The following SETBP1 variants were observed in gnomAD, a reference collection of about 807,000 sequenced individuals.
SETBP1 encodes SET-binding protein.
Under a neutral mutation model 101.0 loss-of-function variants are expected in SETBP1, and 9 were observed. The ratio of observed to expected loss-of-function variants is 0.09; its 90% CI spans 0.05 to 0.16. The LOEUF (loss-of-function observed/expected upper bound fraction) is 0.16. Ranked by LOEUF, SETBP1 falls within the 10% of genes least tolerant of loss-of-function variation. SETBP1 has a pLI of 1.00. For missense variants in SETBP1, 1,858 were observed against 2,033.8 expected, an observed-to-expected ratio of 0.91 and a Z score of 1.66; for synonymous variants, 818 against 788.5, an observed-to-expected ratio of 1.04 and a Z score of -0.63.
At chr18:44,815,239 A>G (rs1230100123) in intron 2 of SETBP1, among the ~76,000 whole-genome samples, 1 of 152,216 alleles carries the variant, frequency 6.6e-6, no homozygotes, top group Admixed American at 6.5e-5. Context: ...AACTCTTTCG[A>G]TGAGGAAACA....
At chr18:44,817,332 T>G (rs1369672596) in intron 2 of SETBP1, among the ~76,000 whole-genome samples, 8 of 151,974 alleles carry the variant, frequency 5.3e-5, no homozygotes, top group African/African-American at 1.9e-4. Context: ...GCCTCAGAAA[T>G]AGAACACCCA....
chr18:44,724,086 C>T (rs2069658466), intron 2 of SETBP1, among the ~76,000 whole-genome samples: 1 of 152,164 alleles, frequency 6.6e-6, no homozygotes, highest in African/African-American at 2.4e-5. Flanking sequence ...CACAGAAACA[C>T]CCAGAAGTGG....
chr18:44,758,655 T>C (rs370562266), intron 2 of SETBP1, among the ~76,000 whole-genome samples: 2 of 152,340 alleles, frequency 1.3e-5, no homozygotes, highest in East Asian at 3.9e-4. Flanking sequence ...GTGCTGGGAT[T>C]ACAGGCGTGA....
chr18:44,798,298 CATAG>C (rs1199735878), intron 2 of SETBP1, among the ~76,000 whole-genome samples: 5 of 152,084 alleles, frequency 3.3e-5, no homozygotes, highest in African/African-American at 9.7e-5. Flanking sequence ...CTGAAGATCT[CATAG>C]ATAGATCATT....
chr18:44,868,382 T>C (rs549488778), intron 2 of SETBP1, among the ~76,000 whole-genome samples: 1 of 152,246 alleles, frequency 6.6e-6, no homozygotes, highest in Non-Finnish European at 1.5e-5. Context: ...GCTGATTTTT[T>C]TTTTGTTTGT....
At chr18:44,780,000 C>A (rs1289388097) in intron 2 of SETBP1, among the ~76,000 whole-genome samples, 1 of 152,076 alleles carries the variant, frequency 6.6e-6, no homozygotes, top group Non-Finnish European at 1.5e-5. Flanking sequence ...ACACACTCTG[C>A]ACTTTCCCGC....
chr18:45,034,763 G>A (rs952091968), intron 4 of SETBP1, among the ~76,000 whole-genome samples: 4 of 152,064 alleles, frequency 2.6e-5, no homozygotes, highest in Admixed American at 6.6e-5. Context: ...CTCTGAACAC[G>A]CCTACCAAGG....
rs1463945182 is a variant in SETBP1 at position 45,066,205 on chromosome 18, T to C, written c.*2507T>C. 2 of 152,224 alleles carry C rather than the reference T, an allele frequency of 1.3e-5. No individual in the cohort carries two copies. Among genetic ancestry groups the C allele is most frequent in the African/African-American group, 4.8e-5 (2 of 41,454 alleles). The allele number at this position is 152,224 out of a possible 1,614,324, so 9.4% of individuals were successfully genotyped here. Reference sequence around the variant, plus strand: ...GGGTACATTAGAATTTCCAAAGCTCTGAAAGATATTTCAGGAGATTTAACA... The same window carrying C: ...GGGTACATTAGAATTTCCAAAGCTCCGAAAGATATTTCAGGAGATTTAACA... On this transcript the variant is annotated 3_prime_UTR_variant, in exon 6 of 6. Coordinates refer to ENST00000649279, the MANE Select transcript of SETBP1 (RefSeq NM_015559.3).
rs1351437168 is a variant in SETBP1, at chr18:44,950,816, A to T, written c.1476A>T (p.Gly492=). 6.2e-7 allele frequency: 1 copy of T among 1,614,114 alleles called. No individual in the cohort carries two copies. Among genetic ancestry groups the T allele is most frequent in the Admixed American group, 1.7e-5 (1 of 60,012 alleles). The change falls in exon 4 of 6, where the codon GGA becomes GGT. Residue 492 remains glycine (G), a synonymous_variant. Coordinates refer to ENST00000649279, the MANE Select transcript of SETBP1 (RefSeq NM_015559.3). ...GAAATGCTGAGAAAGTTATCCCAGG[A>T]GGTGTGTCTAAGCCGCGGAAGCCAC... The part of the protein sequence containing the change: ...TGGNAEKVIP[G]GVSKPRKPPM...
At chr18:44,710,157 G>A (rs1259364876) in intron 2 of SETBP1, among the ~76,000 whole-genome samples, 2 of 151,986 alleles carry the variant, frequency 1.3e-5, no homozygotes, top group African/African-American at 2.4e-5. Context: ...GAAACAATCC[G>A]TTTTTGCCTT....
chr18:44,779,753 C>T (rs1451453482), intron 2 of SETBP1, among the ~76,000 whole-genome samples: 1 of 152,096 alleles, frequency 6.6e-6, no homozygotes, highest in Non-Finnish European at 1.5e-5. Context: ...TAAGGGGAGG[C>T]TCCTTAATTG....
chr18:44,893,441 GGT>G (rs1474129832), intron 3 of SETBP1, among the ~76,000 whole-genome samples: 3 of 152,146 alleles, frequency 2.0e-5, no homozygotes, highest in African/African-American at 7.2e-5. Context: ...AACTGAGAGA[GGT>G]GAGATGCAAA....
intron 4 of SETBP1, among the ~76,000 whole-genome samples, chr18:44,970,350 C>A (rs1026757268): frequency 2.0e-5 from 3 of 152,198 alleles, no homozygotes; most frequent in African/African-American, 4.8e-5. Flanking sequence ...GGTGTGTCTG[C>A]TTATAAAGTT....
intron 4 of SETBP1, among the ~76,000 whole-genome samples, chr18:45,006,843 G>T (rs532082556): frequency 1.3e-5 from 2 of 152,156 alleles, no homozygotes; most frequent in African/African-American, 2.4e-5. Flanking sequence ...AAGGTCTCAA[G>T]AAGAGGAATT....
At chr18:44,917,931 CA>C (rs2070478834) in intron 3 of SETBP1, among the ~76,000 whole-genome samples, 1 of 152,120 alleles carries the variant, frequency 6.6e-6, no homozygotes, top group African/African-American at 2.4e-5. Flanking sequence ...CAGCCCCCAC[CA>C]CAGCGAGCTT....
At chr18:44,902,377 T>C (rs2070070560) in intron 3 of SETBP1, among the ~76,000 whole-genome samples, 1 of 152,106 alleles carries the variant, frequency 6.6e-6, no homozygotes, top group Non-Finnish European at 1.5e-5. Context: ...GTTTCATGTA[T>C]GTACCTTTTA....
chr18:44,946,364 G>A (rs570144933), intron 3 of SETBP1, among the ~76,000 whole-genome samples: 18 of 152,334 alleles, frequency 1.2e-4, no homozygotes, highest in East Asian at 1.2e-3. Flanking sequence ...TGCCCTGGGC[G>A]TAAGTGAGCA....
In SETBP1 at chr18:44,701,325, C is replaced by G. The variant is rs982629858; in HGVS notation, c.-22C>G. On this transcript the variant is annotated 5_prime_UTR_variant, in exon 2 of 6. Coordinates refer to ENST00000649279, the MANE Select transcript of SETBP1 (RefSeq NM_015559.3). ...TTTCCCCTTCCCCCTCCTGAGAACT[C>G]CGGAAGACTGTAGAGATTGTCATGG... The G allele has an allele frequency of 6.1e-6, 9 of 1,464,476 alleles. 1 individual carries two copies. The Admixed American group carries it at 1.9e-4, about 31-fold the overall frequency. 90.7% of individuals were successfully genotyped at this position (1,464,476 alleles called of 1,614,324 possible).
chr18:44,699,297 C>T (rs2069073206), intron 1 of SETBP1, among the ~76,000 whole-genome samples: 1 of 152,206 alleles, frequency 6.6e-6, no homozygotes, highest in Non-Finnish European at 1.5e-5. Context: ...GGGATACACA[C>T]TGAGAAAGAC....
Sources: gnomAD v4.1 joint callset for allele counts (sites outside exome capture counted in the v4.1 genomes callset) on GRCh38, gnomAD v4.1.1 for gene constraint, MANE v1.5 for transcripts, NCBI Gene and HGNC (gene_info 2026-07-23, HGNC 2026-07-21) for gene names.